UBE2U: variants seen among roughly 807,000 people sequenced by gnomAD.
UBE2U encodes ubiquitin conjugating enzyme E2 U, also known as ubiquitin-conjugating enzyme E2 U.
Under a neutral mutation model 41.2 loss-of-function variants are expected in UBE2U, and 39 were observed. The observed-to-expected ratio is 0.95, with a 90% CI of 0.73 to 1.24. The LOEUF (loss-of-function observed/expected upper bound fraction) is 1.24, where lower values mean the gene tolerates loss of function less well. Among genes scored for constraint, UBE2U ranks in the 50% most tolerant of loss-of-function variants. The pLI is 0.00. For missense variants in UBE2U, 336 were observed against 363.1 expected (o/e 0.93, Z 0.61); for synonymous variants, 107 against 117.8 (o/e 0.91, Z 0.60).
chr1:64,259,139 C>A (rs1304760217), intron 8 of UBE2U, among the ~76,000 whole-genome samples: 1 of 152,170 alleles, frequency 6.6e-6, no homozygotes, highest in African/African-American at 2.4e-5. Context: ...AGTGTCTGTT[C>A]ATATCCTTTG....
At chr1:64,223,431 A>T (rs1458775023) in intron 6 of UBE2U, among the ~76,000 whole-genome samples, 1 of 152,174 alleles carries the variant, frequency 6.6e-6, no homozygotes, top group African/African-American at 2.4e-5. Flanking sequence ...ATCGTGGCTA[A>T]GGGAAGAATG....
At chr1:64,245,256 A>C (rs1456979346) in intron 8 of UBE2U, among the ~76,000 whole-genome samples, 2 of 152,150 alleles carry the variant, frequency 1.3e-5, no homozygotes, top group Non-Finnish European at 2.9e-5. Context: ...CCGTTAAAGG[A>C]TACGAATCTG....
At chr1:64,217,117 T>C (rs1217467153) in intron 5 of UBE2U, among the ~76,000 whole-genome samples, 2 of 152,204 alleles carry the variant, frequency 1.3e-5, no homozygotes, top group African/African-American at 4.8e-5. Flanking sequence ...AAGAATTGTT[T>C]GAAATAATTC....
At chr1:64,239,157 A>AAAGAAGAAGAAGAAGAAGAAGAAG (rs149062313) in intron 7 of UBE2U, among the ~76,000 whole-genome samples, 18 of 37,052 alleles carry the variant, frequency 4.9e-4, no homozygotes, top group African/African-American at 1.0e-3. Context: ...GAAGAAGAAG[A>AAAGAAGAAGAAGAAGAAGAAGAAG]AAGAAGAAGA....
chr1:64,214,943 T>G lies in UBE2U; in HGVS notation c.457+11T>G, dbSNP rs771586526. The G allele has an allele frequency of 8.1e-6, 13 of 1,600,342 alleles. No homozygotes were observed. Among genetic ancestry groups the G allele is most frequent in the African/African-American group, 1.3e-5 (1 of 74,640 alleles). On this transcript the variant is annotated intron_variant, in intron 5 of 9. Coordinates refer to ENST00000371077, the MANE Select transcript of UBE2U (RefSeq NM_001366232.2). ...ACAGGCCATTACAAAGTAAGAAGTA[T>G]CTACTTTTGTTAGGTGCAGTGGCTC...
rs1553168920 is a variant in UBE2U, at chr1:64,239,108, G to GA, written c.596-2542dup. ...AGAGGAAGAGGAAGAAGAAGAAGAA[G>GA]AAGAAGAAGAAGAAGAAGAAGAAGA... On this transcript the variant is annotated intron_variant, in intron 7 of 9. Coordinates refer to ENST00000371077, the MANE Select transcript of UBE2U (RefSeq NM_001366232.2). Among the ~76,000 whole-genome samples the GA allele has an allele frequency of 7.4e-4, 21 of 28,428 alleles. 1 individual carries two copies. The highest frequency in any genetic ancestry group is 3.5e-3 in the Admixed American group (8 of 2,300). 18.6% of individuals were successfully genotyped at this position (28,428 alleles called of 152,430 possible). A position where few individuals can be genotyped will look rare whatever the true frequency, so the allele number is the denominator to read the frequency against.
Position 64,204,000 on chromosome 1 carries a change from G to C in UBE2U, c.-51G>C. The stretch of plus-strand genomic sequence containing the variant: ...CCCATAACTTCAAACATCTGCCTCA[G>C]AGTAAACCTGAGGCATTTGGGGACA... On this transcript the variant is annotated 5_prime_UTR_variant, in exon 1 of 10. Transcript: ENST00000371077. 1 of 1,577,264 alleles carries C rather than the reference G, an allele frequency of 6.3e-7. No individual in the cohort carries two copies. Among genetic ancestry groups the C allele is most frequent in the Non-Finnish European group, 8.7e-7 (1 of 1,151,086 alleles).
At chr1:64,219,159 T>A (rs1317904227) in intron 5 of UBE2U, among the ~76,000 whole-genome samples, 1 of 152,210 alleles carries the variant, frequency 6.6e-6, no homozygotes, top group Non-Finnish European at 1.5e-5. Context: ...CCTAAAAATG[T>A]AATTACGTTA....
At chr1:64,204,223 C>A in intron 1 of UBE2U, 107 bp downstream of exon 1, 2 of 895,604 alleles carry the variant, frequency 2.2e-6, no homozygotes, top group Non-Finnish European at 3.4e-6. Context: ...ACCTGATTTG[C>A]CACTACAGTA....
intron 7 of UBE2U, among the ~76,000 whole-genome samples, chr1:64,239,193 A>AAGAAGAAGAAGAAG (rs1557731681): frequency 7.4e-6 from 1 of 134,996 alleles, no homozygotes; most frequent in East Asian, 2.4e-4. Context: ...AGAAGAAGAA[A>AAGAAGAAGAAGAAG]GCCCCAGACA....
chr1:64,262,927 A>C (rs980455689), intron 9 of UBE2U, among the ~76,000 whole-genome samples: 1 of 152,202 alleles, frequency 6.6e-6, no homozygotes, highest in African/African-American at 2.4e-5. Flanking sequence ...CTCACCTCCC[A>C]GTCTTCCACA....
intron 5 of UBE2U, among the ~76,000 whole-genome samples, chr1:64,216,099 G>T (rs944582270): frequency 4.6e-5 from 7 of 152,150 alleles, no homozygotes; most frequent in Non-Finnish European, 7.3e-5. Flanking sequence ...AGCTAGGTCT[G>T]TATAATTGTG....
intron 8 of UBE2U, among the ~76,000 whole-genome samples, chr1:64,246,151 A>G (rs926205374): frequency 3.3e-5 from 5 of 152,180 alleles, no homozygotes; most frequent in African/African-American, 1.2e-4. Flanking sequence ...TATATGTAAA[A>G]AAAGAACATC....
At chr1:64,241,352 T>A (rs2100456798) in intron 7 of UBE2U, among the ~76,000 whole-genome samples, 1 of 152,302 alleles carries the variant, frequency 6.6e-6, no homozygotes, top group East Asian at 1.9e-4. Flanking sequence ...AGGTGCTCAG[T>A]CCAAAACAAT....
intron 7 of UBE2U, among the ~76,000 whole-genome samples, chr1:64,239,144 GAAGAAGAAGAAGA>G (rs1191353590): frequency 0.012 from 343 of 27,748 alleles, 10 homozygotes; most frequent in Middle Eastern, 0.02. Flanking sequence ...AGAAGAAGAA[GAAGAAGAAGAAGA>G]AAGAAGAAGA....
chr1:64,228,191 C>G (rs1653008400), intron 6 of UBE2U, among the ~76,000 whole-genome samples: 2 of 152,168 alleles, frequency 1.3e-5, no homozygotes, highest in Admixed American at 1.3e-4. Flanking sequence ...TAACTTTGCT[C>G]TAATTGGATC....
intron 3 of UBE2U, among the ~76,000 whole-genome samples, chr1:64,207,695 T>A (rs1651389452): frequency 6.6e-6 from 1 of 152,204 alleles, no homozygotes; most frequent in South Asian, 2.1e-4. Context: ...AATCTAAAAA[T>A]TTTAAATGCT....
At chr1:64,246,134 T>C (rs1429468449) in intron 8 of UBE2U, among the ~76,000 whole-genome samples, 2 of 151,062 alleles carry the variant, frequency 1.3e-5, no homozygotes, top group Non-Finnish European at 1.5e-5. Flanking sequence ...TTAGTTCTTT[T>C]TTTTCTTATA....
chr1:64,211,934 C>A (rs1448356575), intron 4 of UBE2U, among the ~76,000 whole-genome samples: 2 of 152,090 alleles, frequency 1.3e-5, no homozygotes, highest in Non-Finnish European at 2.9e-5. Flanking sequence ...ATATAAAATA[C>A]TCTGGCATAA....
Sources: allele counts gnomAD v4.1 joint callset (sites outside exome capture counted in the v4.1 genomes callset), GRCh38; gene constraint gnomAD v4.1.1; transcripts MANE v1.5; gene names NCBI Gene and HGNC (gene_info 2026-07-23, HGNC 2026-07-21).